The following MGAT4B variants were observed in gnomAD, a reference collection of about 807,000 sequenced individuals.
The protein encoded by MGAT4B is N-acetylglucosaminyltransferase IVb.
In MGAT4B, 38 loss-of-function variants were observed where a neutral mutation model predicts 73.9. The ratio of observed to expected loss-of-function variants is 0.51; its 90% CI spans 0.40 to 0.67. The LOEUF is 0.67. MGAT4B is among the 30% of genes least tolerant of loss of function. The pLI, the probability that MGAT4B is intolerant of heterozygous loss-of-function variation, is 0.00. For missense variants in MGAT4B, 686 were observed against 735.2 expected (o/e 0.93, Z 0.77); for synonymous variants, 373 against 313.5 (o/e 1.19, Z -2.01).
In MGAT4B at chr5:179,806,206, C is replaced by T. The variant is rs1562625560; in HGVS notation, c.97+281G>A. 1 of 161,962 alleles carries T rather than the reference C, an allele frequency of 6.2e-6. No individual in the cohort carries two copies. Among genetic ancestry groups the T allele is most frequent in the African/African-American group, 2.4e-5 (1 of 41,658 alleles). 10.0% of individuals were successfully genotyped at this position (161,962 alleles called of 1,614,324 possible). ...GACCTCTGTGACCTTGGGTCTCTGC[C>T]CCTCTCCGAGAACCCCACGGGTCCC... is the stretch of plus-strand genomic sequence containing the variant. On this transcript the variant is annotated intron_variant, in intron 1 of 14. Coordinates refer to ENST00000292591, the MANE Select transcript of MGAT4B (RefSeq NM_014275.5). The surrounding 1 kb of genome is among the most constrained non-coding windows in gnomAD (Gnocchi z 4.6).
rs1008799936 is a variant in MGAT4B at position 179,798,401 on chromosome 5, C to T, written c.1456G>A (p.Gly486Ser). Residue 486 changes from glycine to serine, a missense_variant, in exon 13 of 15, where the codon GGC becomes AGC. Physicochemically the swap from Gly to Ser is moderately conservative, Grantham distance 56. Around this residue, in one of 2 missense-constraint regions of MGAT4B, gnomAD observed 449 missense variants for 536.8 expected, o/e 0.84. Transcript: ENST00000292591. ...PQSDKEALQE[G>S]RTATLRYPRS... The stretch of plus-strand genomic sequence containing the variant: ...GGGTACCGGAGGGTGGCGGTGCGGC[C>T]CTCCTGCAGGGCCTCCTTGTCTGAC... 1.9e-6 allele frequency: 3 copies of T among 1,612,574 alleles called. No homozygotes were observed. The African/African-American group carries it at 4.0e-5, about 22-fold the overall frequency.
intron 11 of MGAT4B, 125 bp downstream of exon 11, chr5:179,798,803 T>C (rs1052218991): frequency 9.9e-6 from 12 of 1,212,006 alleles, no homozygotes; most frequent in African/African-American, 3.0e-5. Flanking sequence ...ACAAGGTAGC[T>C]ACCATTACGA....
At chr5:179,800,409 T>C in intron 6 of MGAT4B, 75 bp downstream of exon 6, 2 of 1,421,776 alleles carry the variant, frequency 1.4e-6, no homozygotes, top group African/African-American at 1.4e-5. Context: ...GGAAACACCC[T>C]GGACTCAAAC....
chr5:179,803,377 C>T, intron 1 of MGAT4B: 3 of 602,540 alleles, frequency 5.0e-6, no homozygotes, highest in Non-Finnish European at 6.2e-6. Context: ...GAAACCTAAC[C>T]CCTTGAATGC....
At position 179,801,125 on chromosome 5, in the gene MGAT4B, G is replaced by GTC; in HGVS notation, c.559-173_559-172insGA. 1 of 1,125,690 alleles carries GTC rather than the reference G, an allele frequency of 8.9e-7. No homozygotes were observed. The highest frequency in any genetic ancestry group is 1.2e-6 in the Non-Finnish European group (1 of 800,214). 69.7% of individuals were successfully genotyped at this position (1,125,690 alleles called of 1,614,324 possible). A position where few individuals can be genotyped will look rare whatever the true frequency, so the allele number is the denominator to read the frequency against. On this transcript the variant is annotated intron_variant, in intron 4 of 14. Coordinates refer to ENST00000292591, the MANE Select transcript of MGAT4B (RefSeq NM_014275.5). This position sits in a 1 kb window ranked among gnomAD's most constrained non-coding sequence, Gnocchi z 4.8. ...AGACGGCCCTTTCCCTTTGGGACTCGCATGGCCAAGGACTAGGGGGTGGCG... is the reference window on the plus strand; with the variant it reads ...AGACGGCCCTTTCCCTTTGGGACTCGTCCATGGCCAAGGACTAGGGGGTGGCG...
In MGAT4B at chr5:179,799,566, G is replaced by A. The variant is rs755396995; in HGVS notation, c.981C>T (p.Pro327=). ...EFILMFYRDK[P]IDWLLDHILW... ...GAATATGGTCCAGGAGCCAGTCGATGGGCTTGTCCCGGTAGAACATGAGAA... is the reference window on the plus strand; with the variant it reads ...GAATATGGTCCAGGAGCCAGTCGATAGGCTTGTCCCGGTAGAACATGAGAA... Residue 327 remains proline, a synonymous_variant, in exon 9 of 15, where the codon CCC becomes CCT. Coordinates refer to ENST00000292591, the MANE Select transcript of MGAT4B (RefSeq NM_014275.5). The A allele has an allele frequency of 1.9e-6, 3 of 1,614,014 alleles. No homozygotes were observed. Among genetic ancestry groups the A allele is most frequent in the East Asian group, 2.2e-5 (1 of 44,882 alleles).
chr5:179,801,660 G>C lies in MGAT4B; in HGVS notation c.318C>G (p.His106Gln), dbSNP rs779780342. Residue 106 changes from histidine to glutamine, a missense_variant, in exon 3 of 15, where the codon CAC becomes CAG. By Grantham distance (24) the His-to-Gln change is conservative. This residue lies in a region of MGAT4B where 237 missense variants were observed against 198.5 expected (regional missense o/e 1.19). Transcript: ENST00000292591. This position sits in a 1 kb window ranked among gnomAD's most constrained non-coding sequence, Gnocchi z 4.8. Reference protein sequence around the residue: ...DPRLKPWNGSHRHVLHLPTVF... With the variant: ...DPRLKPWNGSQRHVLHLPTVF... ...CGGTGGGCAGGTGCAGCACGTGCCG[G>C]TGTGAGCCGTTCCACGGCTTCAATC... is the stretch of plus-strand genomic sequence containing the variant. 3 of 1,606,940 alleles carry C rather than the reference G, an allele frequency of 1.9e-6. No individual in the cohort carries two copies. Among genetic ancestry groups the C allele is most frequent in the Admixed American group, 1.7e-5 (1 of 58,840 alleles).
In MGAT4B at chr5:179,806,579, C is replaced by A; in HGVS notation, c.5G>T (p.Arg2Met). The change falls in exon 1 of 15, where the codon AGG becomes ATG. Residue 2 changes from arginine to methionine, a missense_variant. Arg to Met is a moderately conservative substitution (Grantham distance 91, BLOSUM62 -1). Coordinates refer to ENST00000292591, the MANE Select transcript of MGAT4B (RefSeq NM_014275.5). The surrounding 1 kb of genome is among the most constrained non-coding windows in gnomAD (Gnocchi z 4.6). ...CGTCAGGAAGGTGCCATTGCGGAGCCTCATCTCCTCGGGTGCGCGGCGGGC... is the reference window on the plus strand; with the variant it reads ...CGTCAGGAAGGTGCCATTGCGGAGCATCATCTCCTCGGGTGCGCGGCGGGC... M[R>M]LRNGTFLTLL... The A allele has an allele frequency of 7.8e-7, 1 of 1,279,566 alleles. No homozygotes were observed. 79.3% of individuals were successfully genotyped at this position (1,279,566 alleles called of 1,614,324 possible). A position where few individuals can be genotyped will look rare whatever the true frequency, so the allele number is the denominator to read the frequency against.
At position 179,800,127 on chromosome 5, in the gene MGAT4B, C is replaced by T. The variant is rs1756843781; in HGVS notation, c.795+57G>A. The T allele has an allele frequency of 1.9e-6, 3 of 1,611,224 alleles. No homozygotes were observed. The African/African-American group carries it at 4.0e-5, about 22-fold the overall frequency. On this transcript the variant is annotated intron_variant, in intron 7 of 14. Coordinates refer to ENST00000292591, the MANE Select transcript of MGAT4B (RefSeq NM_014275.5). Reference sequence around the variant, plus strand: ...GAAGGGCACCCAGATGGACCAGACCCATCGCAGGGCAGGGCGGCGCAGGGC... The same window carrying T: ...GAAGGGCACCCAGATGGACCAGACCTATCGCAGGGCAGGGCGGCGCAGGGC...
At chr5:179,798,727 C>T in intron 11 of MGAT4B, 136 bp from the exon 12 acceptor site, 3 of 1,146,692 alleles carry the variant, frequency 2.6e-6, no homozygotes, top group Non-Finnish European at 3.8e-6. Context: ...AGACCAGGGC[C>T]TTCCTCTGGG....
rs774654072 is a variant in MGAT4B, at chr5:179,799,591, A to G, written c.956T>C (p.Ile319Thr). 3.1e-6 allele frequency: 5 copies of G among 1,613,798 alleles called. No individual in the cohort carries two copies. Among genetic ancestry groups the G allele is most frequent in the South Asian group, 2.2e-5 (2 of 91,088 alleles). Residue 319 changes from isoleucine (I) to threonine (T), a missense_variant, in exon 9 of 15, where the codon ATT becomes ACT. Around this residue, in one of 2 missense-constraint regions of MGAT4B, gnomAD observed 449 missense variants for 536.8 expected, o/e 0.84. Coordinates refer to ENST00000292591, the MANE Select transcript of MGAT4B (RefSeq NM_014275.5). Reference protein sequence around the residue: ...SLDLSLIVEFILMFYRDKPID... With the variant: ...SLDLSLIVEFTLMFYRDKPID... ...GGGCTTGTCCCGGTAGAACATGAGA[A>G]TGAACTCTACAATCAGGCTCAGGTC... is the stretch of plus-strand genomic sequence containing the variant.
At chr5:179,800,357 C>T (rs1309489661) in intron 6 of MGAT4B, 98 bp from the exon 7 acceptor site, 12 of 1,480,928 alleles carry the variant, frequency 8.1e-6, no homozygotes, top group African/African-American at 2.8e-5. Flanking sequence ...TCCCCCCACC[C>T]CCATGCACGG....
Position 179,797,801 on chromosome 5 carries a change from C to T in MGAT4B, c.*244G>A, listed in dbSNP as rs933454593. 2.9e-5 allele frequency: 14 copies of T among 490,262 alleles called. No individual in the cohort carries two copies. Among genetic ancestry groups the T allele is most frequent in the African/African-American group, 1.5e-4 (7 of 48,244 alleles). 30.4% of individuals were successfully genotyped at this position (490,262 alleles called of 1,614,324 possible). On this transcript the variant is annotated 3_prime_UTR_variant, in exon 15 of 15. Coordinates refer to ENST00000292591, the MANE Select transcript of MGAT4B (RefSeq NM_014275.5). ...CGGCCTGACTGGGGCAGGCCGGGTG[C>T]GAACGGTTCCGGGCCTCAGGCACAG...
Position 179,806,522 on chromosome 5 carries a change from G to A in MGAT4B, c.62C>T (p.Ser21Leu). The A allele has an allele frequency of 7.5e-7, 1 of 1,339,534 alleles. No individual in the cohort carries two copies. Among genetic ancestry groups the A allele is most frequent in the Non-Finnish European group, 9.8e-7 (1 of 1,020,230 alleles). 83.0% of individuals were successfully genotyped at this position (1,339,534 alleles called of 1,614,324 possible). ...LLLFCLCAFL[S>L]LSWYAALSGQ... ...GCTGAGTGCCGCGTACCAGGACAGC[G>A]AGAGGAAGGCGCACAGGCAGAAGAG... is the stretch of plus-strand genomic sequence containing the variant. Residue 21 changes from serine (S) to leucine (L), a missense_variant, in exon 1 of 15, where the codon TCG (serine) becomes TTG (leucine). Ser to Leu is a moderately radical substitution (Grantham distance 145). Coordinates refer to ENST00000292591, the MANE Select transcript of MGAT4B (RefSeq NM_014275.5). The surrounding 1 kb of genome is among the most constrained non-coding windows in gnomAD (Gnocchi z 4.6).
At position 179,801,768 on chromosome 5, in the gene MGAT4B, C is replaced by G; in HGVS notation, c.283+16G>C. 1 of 1,564,826 alleles carries G rather than the reference C, an allele frequency of 6.4e-7. No individual in the cohort carries two copies. Among genetic ancestry groups the G allele is most frequent in the East Asian group, 2.3e-5 (1 of 43,334 alleles). On this transcript the variant is annotated intron_variant, in intron 2 of 14. Coordinates refer to ENST00000292591, the MANE Select transcript of MGAT4B (RefSeq NM_014275.5). The surrounding 1 kb of genome is among the most constrained non-coding windows in gnomAD (Gnocchi z 4.8). Reference sequence around the variant, plus strand: ...AGCCCGCCCCCGCCTTTTCCCCCTCCCGCCCCAGACCTCACCTGTTAGGCG... The same window carrying G: ...AGCCCGCCCCCGCCTTTTCCCCCTCGCGCCCCAGACCTCACCTGTTAGGCG...
In MGAT4B at chr5:179,801,999, G is replaced by C. The variant is rs992036623; in HGVS notation, c.98-30C>G. On this transcript the variant is annotated intron_variant, in intron 1 of 14. Coordinates refer to ENST00000292591, the MANE Select transcript of MGAT4B (RefSeq NM_014275.5). This position sits in a 1 kb window ranked among gnomAD's most constrained non-coding sequence, Gnocchi z 4.8. ...AGGTGGTAGGCAAGCCGTCACGAGG[G>C]GGCGGTCTAGAGCCACCCTACGGGC... 1 of 1,613,466 alleles carries C rather than the reference G, an allele frequency of 6.2e-7. No homozygotes were observed. The highest frequency in any genetic ancestry group is 8.5e-7 in the Non-Finnish European group (1 of 1,180,008).
In MGAT4B at chr5:179,799,203, C is replaced by T; in HGVS notation, c.1149G>A (p.Lys383=). 1 of 1,613,986 alleles carries T rather than the reference C, an allele frequency of 6.2e-7. No homozygotes were observed. The highest frequency in any genetic ancestry group is 8.5e-7 in the Non-Finnish European group (1 of 1,180,036). ...AGGGAGAGCGTGCAGTGCAGCCCAC[C>T]TTCAGTTTCTGGATCTTGCCAGCCA... is the stretch of plus-strand genomic sequence containing the variant. ...SSLAGKIQKL[K]DKDFGKQALR... is the part of the protein sequence containing the mutation. Residue 383 remains lysine (K), a splice_region_variant and synonymous_variant, in exon 10 of 15, where the codon AAG becomes AAA. Coordinates refer to ENST00000292591, the MANE Select transcript of MGAT4B (RefSeq NM_014275.5).
chr5:179,799,908 G>A (rs745955694), intron 8 of MGAT4B, 46 bp downstream of exon 8: 2 of 1,521,968 alleles, frequency 1.3e-6, no homozygotes, highest in Admixed American at 3.3e-5. Context: ...GGATGGCAGA[G>A]GCAGGTGGGA....
At position 179,801,185 on chromosome 5, in the gene MGAT4B, C is replaced by T; in HGVS notation, c.558+149G>A. ...GGTAGGGGTAGAGGGTGCCAGAAAG[C>T]CCTTTCAACTTTCTATCTCGGAGCA... On this transcript the variant is annotated intron_variant, in intron 4 of 14. Transcript: ENST00000292591. The surrounding 1 kb of genome is among the most constrained non-coding windows in gnomAD (Gnocchi z 4.8). The T allele has an allele frequency of 7.9e-7, 1 of 1,259,676 alleles. No homozygotes were observed. The highest frequency in any genetic ancestry group is 1.1e-6 in the Non-Finnish European group (1 of 927,940). The allele number at this position is 1,259,676 out of a possible 1,614,324, so 78.0% of individuals were successfully genotyped here. A position where few individuals can be genotyped will look rare whatever the true frequency, so the allele number is the denominator to read the frequency against.
Sources: gnomAD v4.1 joint callset for allele counts on GRCh38, gnomAD v4.1.1 for gene constraint, gnomAD v4.1.1 regional missense constraint, Gnocchi (gnomAD v3.1) non-coding constraint, MANE v1.5 for transcripts, NCBI Gene and HGNC (gene_info 2026-07-23, HGNC 2026-07-21) for gene names.